MPZL1: variants seen among roughly 807,000 people sequenced by gnomAD.
The protein encoded by MPZL1 is myelin protein zero like 1, also known as myelin protein zero-like protein 1.
In MPZL1, 16 loss-of-function variants were observed where a neutral mutation model predicts 29.3. The ratio of observed to expected loss-of-function variants is 0.55; its 90% CI spans 0.37 to 0.83. The LOEUF (loss-of-function observed/expected upper bound fraction) is 0.83. MPZL1 is among the 40% of genes least tolerant of loss of function. The probability of loss-of-function intolerance (pLI) is 0.00; values close to 1 mark genes in which losing one functional copy is unlikely to be tolerated. For missense variants in MPZL1, 279 were observed against 332.9 expected (o/e 0.84, Z 1.26); for synonymous variants, 143 against 132.0 (o/e 1.08, Z -0.57).
chr1:167,767,792 C>CTT (rs58079089), intron 2 of MPZL1, among the ~76,000 whole-genome samples: 23,743 of 58,000 alleles, frequency 0.41, 6,892 homozygotes, highest in Non-Finnish European at 0.47. Flanking sequence ...CCCTTTTCTG[C>CTT]TTTTTTTTTT....
chr1:167,749,078 A>G lies in MPZL1; in HGVS notation c.92-16505A>G, dbSNP rs114630869. ...CAGATTTGGTTGTTCCAGGCAACTCATGCTATTCAGAAGCCCTGGAATAAA... is the reference window on the plus strand; with the variant it reads ...CAGATTTGGTTGTTCCAGGCAACTCGTGCTATTCAGAAGCCCTGGAATAAA... On this transcript the variant is annotated intron_variant, in intron 1 of 5. Transcript: ENST00000359523. Among the ~76,000 whole-genome samples, 1,327 of 152,338 alleles carry G rather than the reference A, an allele frequency of 8.7e-3. 17 individuals are homozygous for G. The highest frequency in any genetic ancestry group is 0.03 in the African/African-American group (1,258 of 41,590).
At chr1:167,784,952 A>G (rs1007049049) in intron 5 of MPZL1, among the ~76,000 whole-genome samples, 16 of 152,240 alleles carry the variant, frequency 1.1e-4, no homozygotes, top group African/African-American at 3.9e-4. Context: ...ACTGTCTCAC[A>G]TGAAAGACCT....
rs142583352 is a variant in MPZL1 at position 167,728,457 on chromosome 1, C to T, written c.91+6215C>T. Among the ~76,000 whole-genome samples the T allele has an allele frequency of 4.2e-3, 621 of 148,008 alleles. 1 individual carries two copies. Among genetic ancestry groups the T allele is most frequent in the Non-Finnish European group, 5.9e-3 (400 of 67,234 alleles). On this transcript the variant is annotated intron_variant, in intron 1 of 5. Transcript: ENST00000359523. ...TCCTGACCTCAGGTGATCCACCCGCCTCGGCCTCCCAAAATGCTAGGATTA... is the reference window on the plus strand; with the variant it reads ...TCCTGACCTCAGGTGATCCACCCGCTTCGGCCTCCCAAAATGCTAGGATTA...
intron 1 of MPZL1, among the ~76,000 whole-genome samples, chr1:167,745,374 T>C (rs16859518): frequency 0.019 from 2,817 of 152,226 alleles, 92 homozygotes; most frequent in African/African-American, 0.063. Flanking sequence ...ATGTCACTAA[T>C]AGTGTGAATA....
At position 167,769,081 on chromosome 1, in the gene MPZL1, T is replaced by TCCC. The variant is rs570074624; in HGVS notation, c.259-3194_259-3193insCCC. On this transcript the variant is annotated intron_variant, in intron 2 of 5. Coordinates refer to ENST00000359523, the MANE Select transcript of MPZL1 (RefSeq NM_003953.6). ...ATTCCATCTCTAAAACCTGTGACTT[T>TCCC]GGGAAAGTCACCAAGGTTTCCTGAG... Among the ~76,000 whole-genome samples the TCCC allele has an allele frequency of 4.9e-3, 745 of 152,310 alleles. 10 individuals are homozygous for TCCC. Among genetic ancestry groups the TCCC allele is most frequent in the Middle Eastern group, 0.017 (5 of 294 alleles).
At chr1:167,776,453 G>T (rs1414072258) in intron 5 of MPZL1, among the ~76,000 whole-genome samples, 1 of 152,096 alleles carries the variant, frequency 6.6e-6, no homozygotes, top group Non-Finnish European at 1.5e-5. Flanking sequence ...ATTAGGAAAT[G>T]GCTTTGTCAG....
At position 167,755,389 on chromosome 1, in the gene MPZL1, G is replaced by T. The variant is rs140872461; in HGVS notation, c.92-10194G>T. 2.6e-3 allele frequency among the ~76,000 whole-genome samples: 398 copies of T among 152,214 alleles called. 2 individuals are homozygous for T. The highest frequency in any genetic ancestry group is 9.2e-3 in the African/African-American group (382 of 41,522). ...GAGAGCCCAGAAAGATAAGTTTAAGGTACAGTGGTCTTTTTCCTGAAGAGC... is the reference window on the plus strand; with the variant it reads ...GAGAGCCCAGAAAGATAAGTTTAAGTTACAGTGGTCTTTTTCCTGAAGAGC... On this transcript the variant is annotated intron_variant, in intron 1 of 5. Coordinates refer to ENST00000359523, the MANE Select transcript of MPZL1 (RefSeq NM_003953.6).
At chr1:167,731,664 T>G (rs1244251128) in intron 1 of MPZL1, among the ~76,000 whole-genome samples, 1 of 151,882 alleles carries the variant, frequency 6.6e-6, no homozygotes, top group East Asian at 1.9e-4. Context: ...GGTCTCGATT[T>G]CCTGACCTCG....
chr1:167,750,166 A>G (rs1660726366), intron 1 of MPZL1, among the ~76,000 whole-genome samples: 1 of 152,056 alleles, frequency 6.6e-6, no homozygotes, highest in Admixed American at 6.6e-5. Context: ...TCCTTCACCC[A>G]GGTTTTTCTT....
At chr1:167,781,602 T>C (rs574116888) in intron 5 of MPZL1, among the ~76,000 whole-genome samples, 2 of 150,714 alleles carry the variant, frequency 1.3e-5, no homozygotes, top group African/African-American at 4.8e-5. Context: ...TAGCATTAAC[T>C]GTTTATATTA....
chr1:167,761,123 GGATTTATCCAAGAGAACA>G (rs1369446569), intron 1 of MPZL1, among the ~76,000 whole-genome samples: 16 of 152,214 alleles, frequency 1.1e-4, no homozygotes, highest in African/African-American at 3.9e-4. Context: ...AGCCTAAATT[GGATTTATCCAAGAGAACA>G]GAAGAGGAGA....
chr1:167,747,577 A>T (rs115955697), intron 1 of MPZL1, among the ~76,000 whole-genome samples: 1,743 of 152,304 alleles, frequency 0.011, 39 homozygotes, highest in African/African-American at 0.04. Context: ...CAAAAGTTAA[A>T]AAAGAATACA....
At chr1:167,758,341 G>A (rs755764126) in intron 1 of MPZL1, among the ~76,000 whole-genome samples, 1 of 152,162 alleles carries the variant, frequency 6.6e-6, no homozygotes, top group Non-Finnish European at 1.5e-5. Flanking sequence ...TTTATGGTAT[G>A]AGAGTTTGAA....
intron 1 of MPZL1, among the ~76,000 whole-genome samples, chr1:167,724,028 CCA>C (rs1228629972): frequency 6.6e-6 from 1 of 152,068 alleles, no homozygotes; most frequent in Non-Finnish European, 1.5e-5. Context: ...CTCCTGGGCT[CCA>C]GTGATTCCTC....
intron 2 of MPZL1, among the ~76,000 whole-genome samples, chr1:167,772,067 G>A (rs995739861): frequency 6.6e-6 from 1 of 152,214 alleles, no homozygotes; most frequent in Non-Finnish European, 1.5e-5. Flanking sequence ...AGGTTGCAGC[G>A]AGCCAAGATC....
At chr1:167,751,124 C>T (rs1252965649) in intron 1 of MPZL1, among the ~76,000 whole-genome samples, 1 of 152,208 alleles carries the variant, frequency 6.6e-6, no homozygotes, top group Non-Finnish European at 1.5e-5. Flanking sequence ...TGTTTCTCCA[C>T]TCTAAAGTAA....
chr1:167,739,310 C>CATATATACATACAT, intron 1 of MPZL1, among the ~76,000 whole-genome samples: 1 of 101,360 alleles, frequency 9.9e-6, no homozygotes. Flanking sequence ...TATATATATA[C>CATATATACATACAT]ACATATATAT....
intron 2 of MPZL1, among the ~76,000 whole-genome samples, chr1:167,770,449 G>A (rs981881952): frequency 6.6e-6 from 1 of 152,234 alleles, no homozygotes; most frequent in African/African-American, 2.4e-5. Context: ...CAGGACTGAG[G>A]AGAGACTGAG....
Position 167,787,720 on chromosome 1 carries a change from G to A in MPZL1, c.709-100G>A, listed in dbSNP as rs910611978. ...CATTCAAGAGGGAAGTCTTTGCTTT[G>A]GAACCCTGATGTGATCACGTTAATC... On this transcript the variant is annotated intron_variant, in intron 5 of 5. Transcript: ENST00000359523. 6.1e-6 allele frequency: 5 copies of A among 817,452 alleles called. No homozygotes were observed. The Admixed American group carries it at 1.2e-4, about 19-fold the overall frequency. 50.6% of individuals were successfully genotyped at this position (817,452 alleles called of 1,614,324 possible).
Sources: gnomAD v4.1 joint callset for allele counts (sites outside exome capture counted in the v4.1 genomes callset) on GRCh38, gnomAD v4.1.1 for gene constraint, MANE v1.5 for transcripts, NCBI Gene and HGNC (gene_info 2026-07-23, HGNC 2026-07-21) for gene names.